Variants in FAM234B observed in about 807,000 individuals in gnomAD.
FAM234B encodes the protein family with sequence similarity 234 member B.
A neutral mutation model predicts 69.3 loss-of-function variants in FAM234B; 33 were observed. The ratio of observed to expected loss-of-function variants is 0.48; its 90% CI spans 0.36 to 0.64. FAM234B has a LOEUF of 0.64. Among genes scored for constraint, FAM234B ranks in the 30% least tolerant of loss-of-function variants. The probability of loss-of-function intolerance (pLI) is 0.00; values close to 1 mark genes in which losing one functional copy is unlikely to be tolerated. For missense variants in FAM234B, 697 were observed against 769.7 expected (o/e 0.91, Z 1.12); for synonymous variants, 306 against 306.9 (o/e 1.00, Z 0.03).
intron 3 of FAM234B, among the ~76,000 whole-genome samples, chr12:13,060,855 T>G (rs982338717): frequency 3.9e-5 from 6 of 152,178 alleles, no homozygotes; most frequent in African/African-American, 1.4e-4. Flanking sequence ...GCTTATTTAC[T>G]AAGGATCATG....
At chr12:13,064,584 T>C (rs1865017431) in intron 5 of FAM234B, among the ~76,000 whole-genome samples, 1 of 152,202 alleles carries the variant, frequency 6.6e-6, no homozygotes, top group Non-Finnish European at 1.5e-5. Context: ...TGTGTTGGTC[T>C]CTACTCAGTG....
Position 13,062,746 on chromosome 12 carries a change from A to G in FAM234B, c.722-99A>G, listed in dbSNP as rs572214983. On this transcript the variant is annotated intron_variant, in intron 4 of 12. Transcript: ENST00000197268. ...AGGTAGGAGTTGCTGTCTGTTGTTC[A>G]GCCCCTTGCGTCTTTCTTTTCTGGC... is the stretch of plus-strand genomic sequence containing the variant. 221 of 1,294,704 alleles carry G rather than the reference A, an allele frequency of 1.7e-4. No homozygotes were observed. The African/African-American group carries it at 3.0e-3, about 18-fold the overall frequency. The allele number at this position is 1,294,704 out of a possible 1,614,324, so 80.2% of individuals were successfully genotyped here. A position where few individuals can be genotyped will look rare whatever the true frequency, so the allele number is the denominator to read the frequency against.
intron 9 of FAM234B, among the ~76,000 whole-genome samples, chr12:13,070,166 A>T (rs1202576060): frequency 1.1e-4 from 13 of 115,468 alleles, no homozygotes; most frequent in Non-Finnish European, 1.8e-5. Context: ...ATAATAATTA[A>T]AAAAAGATAT....
Position 13,047,800 on chromosome 12 carries a change from C to T in FAM234B, c.37+3360C>T, listed in dbSNP as rs142961725. On this transcript the variant is annotated intron_variant, in intron 1 of 12. Transcript: ENST00000197268. The stretch of plus-strand genomic sequence containing the variant: ...CCCTAAGCTTGGAAGCTGGATTTGA[C>T]GCCTGGCTCCTCAGCCTGAGTAGGA... 3.0e-3 allele frequency among the ~76,000 whole-genome samples: 450 copies of T among 152,270 alleles called. 3 individuals are homozygous for T. The highest frequency in any genetic ancestry group is 0.01 in the African/African-American group (419 of 41,544).
chr12:13,049,380 A>T (rs1864849702), intron 1 of FAM234B, among the ~76,000 whole-genome samples: 1 of 152,214 alleles, frequency 6.6e-6, no homozygotes, highest in Non-Finnish European at 1.5e-5. Flanking sequence ...GGGTCTCGCC[A>T]CGTTGGCCGG....
intron 5 of FAM234B, among the ~76,000 whole-genome samples, chr12:13,065,070 A>G (rs1446203001): frequency 6.6e-6 from 1 of 152,186 alleles, no homozygotes; most frequent in East Asian, 1.9e-4. Context: ...GCTGATGGGA[A>G]TAACACTAAT....
At position 13,079,944 on chromosome 12, in the gene FAM234B, A is replaced by G. The variant is rs201265179; in HGVS notation, c.1798A>G (p.Lys600Glu). 82 of 1,613,460 alleles carry G rather than the reference A, an allele frequency of 5.1e-5. No individual in the cohort carries two copies. The highest frequency in any genetic ancestry group is 3.1e-5 in the Non-Finnish European group (36 of 1,179,800). ...QMAQLQESTPKIGRGELRRFL... is the reference protein window; with the variant it reads ...QMAQLQESTPEIGRGELRRFL... ...GGCTCAGCTACAGGAGTCCACCCCC[A>G]AAATTGGCCGTGGGGAGCTGCGAAG... Residue 600 changes from lysine to glutamate, a missense_variant, in exon 12 of 13, where the codon AAA (lysine) becomes GAA (glutamate). By Grantham distance (56) the Lys-to-Glu change is moderately conservative. Transcript: ENST00000197268.
chr12:13,049,233 G>GCC (rs1864847068), intron 1 of FAM234B, among the ~76,000 whole-genome samples: 1 of 152,238 alleles, frequency 6.6e-6, no homozygotes, highest in African/African-American at 2.4e-5. Context: ...AGGCTGGAGT[G>GCC]CAGTGGCATG....
chr12:13,065,798 A>G (rs1865029794), intron 5 of FAM234B, among the ~76,000 whole-genome samples: 1 of 152,228 alleles, frequency 6.6e-6, no homozygotes, highest in African/African-American at 2.4e-5. Flanking sequence ...CTAGGCTAGT[A>G]TTGATCCCAT....
chr12:13,063,714 A>C (rs927379361), intron 5 of FAM234B, among the ~76,000 whole-genome samples: 10 of 152,362 alleles, frequency 6.6e-5, no homozygotes, highest in Middle Eastern at 6.8e-3. Flanking sequence ...TAATGAACAG[A>C]ATAATCTCAA....
At chr12:13,071,155 AC>A in intron 9 of FAM234B, 85 bp from the exon 10 acceptor site, 1 of 1,380,356 alleles carries the variant, frequency 7.2e-7, no homozygotes, top group East Asian at 2.3e-5. Flanking sequence ...TTATTTGAAT[AC>A]CTGTGCATTT....
intron 10 of FAM234B, among the ~76,000 whole-genome samples, chr12:13,072,967 A>G (rs1865123246): frequency 6.6e-6 from 1 of 152,078 alleles, no homozygotes; most frequent in South Asian, 2.1e-4. Context: ...TCAGAACCAT[A>G]AGGTGGATGC....
intron 9 of FAM234B, among the ~76,000 whole-genome samples, chr12:13,068,998 GA>G (rs1865071866): frequency 6.6e-6 from 1 of 152,100 alleles, no homozygotes; most frequent in South Asian, 2.1e-4. Context: ...TCTTGGTGGG[GA>G]AAGACAGGTA....
chr12:13,045,005 A>G (rs1864790429), intron 1 of FAM234B, among the ~76,000 whole-genome samples: 1 of 152,198 alleles, frequency 6.6e-6, no homozygotes, highest in Non-Finnish European at 1.5e-5. Context: ...GTATTGGGAA[A>G]GCTCGGCCTT....
intron 1 of FAM234B, among the ~76,000 whole-genome samples, chr12:13,051,849 A>G (rs1277824746): frequency 6.6e-6 from 1 of 152,218 alleles, no homozygotes; most frequent in Non-Finnish European, 1.5e-5. Flanking sequence ...TGATAATAAT[A>G]GAAGCTAAAA....
At chr12:13,068,477 T>C in intron 8 of FAM234B, 30 bp downstream of exon 8, 1 of 1,609,762 alleles carries the variant, frequency 6.2e-7, no homozygotes, top group Non-Finnish European at 8.5e-7. Flanking sequence ...TTGTGTTTGC[T>C]GTTTTGATCC....
chr12:13,052,986 C>T (rs991202544), intron 1 of FAM234B, among the ~76,000 whole-genome samples: 19 of 152,214 alleles, frequency 1.2e-4, no homozygotes, highest in Admixed American at 3.9e-4. Flanking sequence ...CCCTAATTAA[C>T]CAAATAATTT....
chr12:13,065,029 G>A (rs1411023236), intron 5 of FAM234B, among the ~76,000 whole-genome samples: 2 of 152,086 alleles, frequency 1.3e-5, no homozygotes. Context: ...TTACAGACAT[G>A]TTGGCACCCC....
In FAM234B at chr12:13,060,396, C is replaced by T. The variant is rs574768491; in HGVS notation, c.533-1179C>T. Among the ~76,000 whole-genome samples the T allele has an allele frequency of 6.6e-5, 10 of 152,122 alleles. No individual in the cohort carries two copies. In the South Asian group the frequency reaches 8.3e-4, roughly 13 times the overall value. ...GTTCTGATGGTTACACACAGACTGC[C>T]GAACAAGAGGAGCCTGGCTTTGGCC... On this transcript the variant is annotated intron_variant, in intron 3 of 12. Transcript: ENST00000197268.
Sources: allele counts gnomAD v4.1 joint callset (sites outside exome capture counted in the v4.1 genomes callset), GRCh38; gene constraint gnomAD v4.1.1; transcripts MANE v1.5; gene names NCBI Gene and HGNC (gene_info 2026-07-23, HGNC 2026-07-21).